SPECC1L: variants seen among roughly 807,000 people sequenced by gnomAD.
SPECC1L encodes cytospin-A.
Under a neutral mutation model 116.8 loss-of-function variants are expected in SPECC1L, and 40 were observed. The observed-to-expected ratio is 0.34, with a 90% CI of 0.27 to 0.45. SPECC1L has a LOEUF of 0.45. SPECC1L is among the 20% of genes least tolerant of loss of function. The probability of loss-of-function intolerance (pLI) is 1.00; values close to 1 mark genes in which losing one functional copy is unlikely to be tolerated. For synonymous variants in SPECC1L, 504 were observed against 500.6 expected (o/e 1.01, Z -0.09); for missense variants, 1,110 against 1,373.6 (o/e 0.81, Z 3.03).
chr22:24,407,428 C>T (rs2042613052), intron 14 of SPECC1L, among the ~76,000 whole-genome samples: 1 of 152,224 alleles, frequency 6.6e-6, no homozygotes, highest in Non-Finnish European at 1.5e-5. Context: ...GGGGTTCCCA[C>T]AGCCAGGCGG....
At chr22:24,318,880 A>G (rs1443095594) in intron 4 of SPECC1L, among the ~76,000 whole-genome samples, 1 of 151,660 alleles carries the variant, frequency 6.6e-6, no homozygotes, top group Non-Finnish European at 1.5e-5. Flanking sequence ...GTGAGCTGTG[A>G]TGGCACAACT....
intron 14 of SPECC1L, among the ~76,000 whole-genome samples, chr22:24,385,247 G>A (rs1365717826): frequency 6.6e-6 from 1 of 151,884 alleles, no homozygotes; most frequent in African/African-American, 2.4e-5. Flanking sequence ...TGGAAAATAA[G>A]GGGCTAATAG....
In SPECC1L at chr22:24,389,180, G is replaced by A. The variant is rs139062655; in HGVS notation, c.3087+19860G>A. Among the ~76,000 whole-genome samples the A allele has an allele frequency of 4.8e-3, 704 of 147,472 alleles. 11 individuals carry two copies. Among genetic ancestry groups the A allele is most frequent in the African/African-American group, 0.017 (663 of 39,740 alleles). On this transcript the variant is annotated intron_variant, in intron 14 of 16. Transcript: ENST00000314328. ...ACCCAGGCTGGAGAGCCAATGGTGCGATCTTGGCTTACTGCAACCTCTGCC... is the reference window on the plus strand; with the variant it reads ...ACCCAGGCTGGAGAGCCAATGGTGCAATCTTGGCTTACTGCAACCTCTGCC...
Position 24,278,799 on chromosome 22 carries a change from A to G in SPECC1L, c.-38+1996A>G, listed in dbSNP as rs545515706. ...TTAAATTACTGGAATAGGTATTACTATTAGTCACTTTGCAGGTGAAAGTGG... is the reference window on the plus strand; with the variant it reads ...TTAAATTACTGGAATAGGTATTACTGTTAGTCACTTTGCAGGTGAAAGTGG... On this transcript the variant is annotated intron_variant, in intron 2 of 16. Transcript: ENST00000314328. Among the ~76,000 whole-genome samples the G allele has an allele frequency of 5.3e-5, 8 of 152,354 alleles. No individual in the cohort carries two copies. The East Asian group carries it at 9.6e-4, about 18-fold the overall frequency.
chr22:24,343,541 A>C (rs1482749068), intron 10 of SPECC1L: 1 of 435,856 alleles, frequency 2.3e-6, no homozygotes, highest in Non-Finnish European at 4.6e-6. Context: ...GCTCACTGCA[A>C]CCTCTGCCTC....
chr22:24,389,425 T>G (rs1353025639), intron 14 of SPECC1L, among the ~76,000 whole-genome samples: 1 of 151,984 alleles, frequency 6.6e-6, no homozygotes, highest in Non-Finnish European at 1.5e-5. Context: ...TAATACTTCT[T>G]AGTTTGTTGT....
intron 14 of SPECC1L, among the ~76,000 whole-genome samples, chr22:24,390,456 A>T (rs888875540): frequency 6.6e-6 from 1 of 152,364 alleles, no homozygotes; most frequent in Non-Finnish European, 1.5e-5. Context: ...AAATAAAAAA[A>T]GGTGCTGGCA....
At chr22:24,355,820 C>T (rs949257563) in intron 11 of SPECC1L, among the ~76,000 whole-genome samples, 12 of 150,998 alleles carry the variant, frequency 7.9e-5, no homozygotes, top group South Asian at 2.1e-4. Flanking sequence ...TCCCTCCCCC[C>T]GTTCTGTTTT....
At chr22:24,367,241 T>C (rs1205757894) in intron 13 of SPECC1L, among the ~76,000 whole-genome samples, 1 of 152,176 alleles carries the variant, frequency 6.6e-6, no homozygotes, top group Non-Finnish European at 1.5e-5. Flanking sequence ...TGTTTGTTTT[T>C]TGTTTTTGAT....
intron 11 of SPECC1L, among the ~76,000 whole-genome samples, chr22:24,354,588 T>C (rs2041491190): frequency 6.6e-6 from 1 of 151,986 alleles, no homozygotes; most frequent in Admixed American, 6.6e-5. Flanking sequence ...TTTCTGGCAC[T>C]ACAAGATGCT....
intron 2 of SPECC1L, among the ~76,000 whole-genome samples, chr22:24,294,982 TATATG>T (rs1357269577): frequency 2.0e-5 from 3 of 152,176 alleles, no homozygotes; most frequent in Non-Finnish European, 2.9e-5. Context: ...ATGTCTACCT[TATATG>T]GTAGGTAAGA....
chr22:24,383,594 G>A lies in SPECC1L; in HGVS notation c.3087+14274G>A, dbSNP rs771557934. On this transcript the variant is annotated intron_variant, in intron 14 of 16. Transcript: ENST00000314328. ...AGATGAAGAGATAGAGAGTTTTACC[G>A]GAGAACTGGAATCTGTAAAATAGAA... is the stretch of plus-strand genomic sequence containing the variant. Among the ~76,000 whole-genome samples, 9 of 152,026 alleles carry A rather than the reference G, an allele frequency of 5.9e-5. No homozygotes were observed. In the South Asian group the frequency reaches 6.2e-4, roughly 11 times the overall value.
chr22:24,346,108 G>A (rs2041289158), intron 10 of SPECC1L, among the ~76,000 whole-genome samples: 1 of 151,812 alleles, frequency 6.6e-6, no homozygotes, highest in Admixed American at 6.6e-5. Flanking sequence ...TCGGCTTCAA[G>A]TGATTCTCCT....
At chr22:24,410,847 A>G (rs1417155798) in intron 14 of SPECC1L, among the ~76,000 whole-genome samples, 5 of 152,170 alleles carry the variant, frequency 3.3e-5, no homozygotes, top group African/African-American at 4.8e-5. Flanking sequence ...ACATGCTTCA[A>G]CAACCAATGG....
chr22:24,411,772 C>A, intron 15 of SPECC1L, 68 bp downstream of exon 15: 1 of 1,293,960 alleles, frequency 7.7e-7, no homozygotes, highest in Non-Finnish European at 1.1e-6. Context: ...CCAAGGGCAG[C>A]ACCTGCCTCA....
chr22:24,387,524 C>T (rs1359120722), intron 14 of SPECC1L, among the ~76,000 whole-genome samples: 1 of 152,044 alleles, frequency 6.6e-6, no homozygotes, highest in Non-Finnish European at 1.5e-5. Flanking sequence ...GTATATTGAG[C>T]AAAAATTAAG....
At position 24,334,570 on chromosome 22, in the gene SPECC1L, C is replaced by G. The variant is rs200655367; in HGVS notation, c.2557C>G (p.Gln853Glu). 6.8e-6 allele frequency: 11 copies of G among 1,614,016 alleles called. No individual in the cohort carries two copies. Among genetic ancestry groups the G allele is most frequent in the African/African-American group, 1.3e-5 (1 of 74,918 alleles). Residue 853 changes from glutamine (Q) to glutamate (E), a missense_variant, in exon 9 of 17, where the codon CAA (glutamine) becomes GAA (glutamate). Transcript: ENST00000314328. ...CATCAAGTCCTTTGACAGTGCATCT[C>G]AAGGTAATTAATTTCTCCTACATTG... ...TLIKSFDSAS[Q>E]VPNPAAAAIP...
chr22:24,309,440 C>T (rs1259101257), intron 3 of SPECC1L, among the ~76,000 whole-genome samples: 5 of 152,086 alleles, frequency 3.3e-5, no homozygotes, highest in African/African-American at 7.2e-5. Flanking sequence ...CTAGCTCTGT[C>T]GCCAGGCTGG....
intron 3 of SPECC1L, chr22:24,304,307 A>G (rs892175657): frequency 1.3e-5 from 2 of 152,238 alleles, no homozygotes; most frequent in African/African-American, 4.8e-5. Flanking sequence ...GTGACAGGAT[A>G]CAGGATATGC....
Sources: gnomAD v4.1 joint callset for allele counts (sites outside exome capture counted in the v4.1 genomes callset) on GRCh38, gnomAD v4.1.1 for gene constraint, MANE v1.5 for transcripts, NCBI Gene and HGNC (gene_info 2026-07-23, HGNC 2026-07-21) for gene names.